The following CPLANE1 variants were observed in gnomAD, a reference collection of about 807,000 sequenced individuals.
CPLANE1 encodes ciliogenesis and planar polarity effector complex subunit 1, also known as ciliogenesis and planar polarity effector 1.
In CPLANE1, 263 loss-of-function variants were observed where a neutral mutation model predicts 362.5. The ratio of observed to expected loss-of-function variants is 0.73; its 90% CI spans 0.66 to 0.80. The LOEUF (loss-of-function observed/expected upper bound fraction) is 0.80, where lower values mean the gene tolerates loss of function less well. Ranked by LOEUF, CPLANE1 falls within the 30% of genes least tolerant of loss-of-function variation. The pLI is 0.00. For synonymous variants in CPLANE1, 1,212 were observed against 1,302.6 expected (o/e 0.93, Z 1.50); for missense variants, 3,461 against 3,793.4 (o/e 0.91, Z 2.30).
chr5:37,184,675 T>C (rs1039379169), intron 25 of CPLANE1, 113 bp downstream of exon 25: 2 of 805,734 alleles, frequency 2.5e-6, no homozygotes, highest in Non-Finnish European at 3.9e-6. Flanking sequence ...TCATTCATAT[T>C]ATTAATAGCA....
intron 2 of CPLANE1, chr5:37,246,353 T>C (rs1205653335): frequency 6.6e-6 from 1 of 152,214 alleles, no homozygotes; most frequent in Non-Finnish European, 1.5e-5. Flanking sequence ...ATCATATTGA[T>C]ACCGAATTTA....
intron 23 of CPLANE1, among the ~76,000 whole-genome samples, chr5:37,187,132 C>T (rs949561988): frequency 4.1e-5 from 6 of 146,136 alleles, no homozygotes; most frequent in Non-Finnish European, 9.0e-5. Flanking sequence ...ACTTATTCAT[C>T]TTGTAACTGA....
chr5:37,087,987 C>A, the CPLANE1 span, among the ~76,000 whole-genome samples: 1 of 152,170 alleles, frequency 6.6e-6, no homozygotes, highest in East Asian at 1.9e-4. Flanking sequence ...GGTGGCCGGC[C>A]AAGACATAAC....
chr5:37,172,143 A>G (rs1229683301), intron 32 of CPLANE1, among the ~76,000 whole-genome samples: 1 of 152,084 alleles, frequency 6.6e-6, no homozygotes, highest in Non-Finnish European at 1.5e-5. Context: ...GCTTCTTTCT[A>G]TTTTTAAAAC....
the CPLANE1 span, among the ~76,000 whole-genome samples, chr5:37,086,117 A>G: frequency 6.6e-6 from 1 of 152,296 alleles, no homozygotes; most frequent in East Asian, 1.9e-4. Context: ...GGACTTCAAT[A>G]CTCCACTGAC....
At chr5:37,183,741 T>A in intron 25 of CPLANE1, 42 bp from the exon 26 acceptor site, 1 of 1,340,280 alleles carries the variant, frequency 7.5e-7, no homozygotes, top group Non-Finnish European at 1.0e-6. Context: ...AGAGATCATT[T>A]AATCACTAAA....
the CPLANE1 span, among the ~76,000 whole-genome samples, chr5:37,076,704 C>G: frequency 6.6e-6 from 1 of 151,792 alleles, no homozygotes; most frequent in African/African-American, 2.4e-5. Flanking sequence ...ATAGAGTTCC[C>G]TTTGTCATTG....
At position 37,106,730 on chromosome 5, in the gene CPLANE1, T is replaced by A; in HGVS notation, c.*872A>T. ...GCAATACATGTTGTAAAACCTGGCTTCACACAGGTAGATATTTGGAAAAAG... is the reference window on the plus strand; with the variant it reads ...GCAATACATGTTGTAAAACCTGGCTACACACAGGTAGATATTTGGAAAAAG... On this transcript the variant is annotated 3_prime_UTR_variant, in exon 53 of 53. Transcript: ENST00000651892. 1 of 597,758 alleles carries A rather than the reference T, an allele frequency of 1.7e-6. No homozygotes were observed. Among genetic ancestry groups the A allele is most frequent in the East Asian group, 1.4e-4 (1 of 7,016 alleles). The allele number at this position is 597,758 out of a possible 1,614,324, so 37.0% of individuals were successfully genotyped here. A position where few individuals can be genotyped will look rare whatever the true frequency, so the allele number is the denominator to read the frequency against.
intron 46 of CPLANE1, among the ~76,000 whole-genome samples, chr5:37,127,231 T>G (rs1361336980): frequency 1.3e-5 from 2 of 152,226 alleles, no homozygotes; most frequent in Non-Finnish European, 2.9e-5. Flanking sequence ...TTTGCTGAGT[T>G]CTGTGCATCC....
chr5:37,160,671 CT>C (rs1328332570), intron 38 of CPLANE1, among the ~76,000 whole-genome samples: 3,185 of 138,468 alleles, frequency 0.023, 25 homozygotes, highest in African/African-American at 0.045. Flanking sequence ...AAAATAATGA[CT>C]TTTTTTTTTT....
intron 37 of CPLANE1, among the ~76,000 whole-genome samples, chr5:37,162,876 C>T (rs1294812187): frequency 6.6e-6 from 1 of 152,112 alleles, no homozygotes; most frequent in African/African-American, 2.4e-5. Context: ...GACGGGGTTT[C>T]GCCACGTTGG....
chr5:37,172,328 C>T (rs1469019805), intron 32 of CPLANE1, among the ~76,000 whole-genome samples: 7 of 152,176 alleles, frequency 4.6e-5, no homozygotes, highest in Non-Finnish European at 8.8e-5. Flanking sequence ...TAGCAAGTGG[C>T]TATTACCGAC....
intron 38 of CPLANE1, among the ~76,000 whole-genome samples, chr5:37,161,444 CATTA>C (rs1301054012): frequency 6.6e-6 from 1 of 152,138 alleles, no homozygotes; most frequent in East Asian, 1.9e-4. Flanking sequence ...TCATTTAATT[CATTA>C]GTTAGCATTC....
intron 9 of CPLANE1, among the ~76,000 whole-genome samples, chr5:37,229,390 T>C (rs1197004725): frequency 6.6e-6 from 1 of 150,988 alleles, no homozygotes. Flanking sequence ...CTCTAAAAAA[T>C]TAGCTGGGCG....
At chr5:37,109,064 A>G (rs1412783556) in intron 51 of CPLANE1, among the ~76,000 whole-genome samples, 2 of 152,200 alleles carry the variant, frequency 1.3e-5, no homozygotes, top group Non-Finnish European at 2.9e-5. Flanking sequence ...AGAGGAGCCT[A>G]CCTCACCTAA....
downstream of CPLANE1, among the ~76,000 whole-genome samples, chr5:37,103,421 G>T (rs1204204363): frequency 7.2e-5 from 11 of 152,156 alleles, no homozygotes; most frequent in East Asian, 2.1e-3. Flanking sequence ...ATGCTAACTG[G>T]TTATTTTGCA....
intron 16 of CPLANE1, among the ~76,000 whole-genome samples, chr5:37,208,678 C>G (rs868292112): frequency 3.3e-4 from 34 of 103,472 alleles, no homozygotes; most frequent in Admixed American, 2.6e-3. Flanking sequence ...CTCTGTCTCC[C>G]CCCCCCCCCA....
chr5:37,125,561 G>A (rs1487319582), intron 46 of CPLANE1, 152 bp from the exon 47 acceptor site: 2 of 641,254 alleles, frequency 3.1e-6, no homozygotes, highest in African/African-American at 1.9e-5. Context: ...ACTCCAATTT[G>A]TTACCTGAAC....
At chr5:37,173,619 G>T in intron 32 of CPLANE1, 136 bp downstream of exon 32, 1 of 760,234 alleles carries the variant, frequency 1.3e-6, no homozygotes, top group Non-Finnish European at 2.1e-6. Flanking sequence ...ATAAACATTT[G>T]AATGAAAAGT....
Sources: allele counts gnomAD v4.1 joint callset (sites outside exome capture counted in the v4.1 genomes callset), GRCh38; gene constraint gnomAD v4.1.1; transcripts MANE v1.5; gene names NCBI Gene and HGNC (gene_info 2026-07-23, HGNC 2026-07-21).